The following NAALADL2 variants were observed in gnomAD, a reference collection of about 807,000 sequenced individuals.
The protein encoded by NAALADL2 is N-acetylated alpha-linked acidic dipeptidase like 2.
In NAALADL2, 76 loss-of-function variants were observed where a neutral mutation model predicts 87.2. The ratio of observed to expected loss-of-function variants is 0.87; its 90% CI spans 0.72 to 1.05. The LOEUF (loss-of-function observed/expected upper bound fraction) is 1.05, where lower values mean the gene tolerates loss of function less well. NAALADL2 is among the 50% of genes least tolerant of loss of function. The pLI is 0.00. For missense variants in NAALADL2, 1,089 were observed against 945.8 expected (o/e 1.15, Z -1.99); for synonymous variants, 354 against 331.0 (o/e 1.07, Z -0.75).
chr3:175,092,516 C>T (rs1560014815), intron 1 of NAALADL2, among the ~76,000 whole-genome samples: 1 of 150,452 alleles, frequency 6.6e-6, no homozygotes, highest in East Asian at 2.0e-4. Context: ...GCTAGGTCTG[C>T]AGCAACCAGA....
chr3:175,696,880 T>C (rs894953859), intron 11 of NAALADL2, among the ~76,000 whole-genome samples: 2 of 152,032 alleles, frequency 1.3e-5, no homozygotes, highest in South Asian at 4.1e-4. Context: ...AGAGAGAAAG[T>C]AGGGGCAACA....
chr3:175,765,542 T>A (rs1157848740), intron 13 of NAALADL2, among the ~76,000 whole-genome samples: 1 of 152,134 alleles, frequency 6.6e-6, no homozygotes, highest in East Asian at 1.9e-4. Context: ...GGATAATTAG[T>A]CTGAGATCCA....
At chr3:175,628,888 G>A (rs1280632115) in intron 11 of NAALADL2, among the ~76,000 whole-genome samples, 3 of 150,118 alleles carry the variant, frequency 2.0e-5, no homozygotes, top group African/African-American at 7.3e-5. Flanking sequence ...AAAATAAAAA[G>A]AGTTTGAATT....
chr3:174,867,918 C>T (rs10513725), intron 1 of NAALADL2, among the ~76,000 whole-genome samples: 47 of 151,846 alleles, frequency 3.1e-4, no homozygotes, highest in Non-Finnish European at 6.2e-4. Flanking sequence ...CAGTGACTCT[C>T]GTTGGATTAC....
chr3:175,744,474 T>C (rs767024263), intron 12 of NAALADL2, among the ~76,000 whole-genome samples: 10 of 152,194 alleles, frequency 6.6e-5, no homozygotes, highest in Non-Finnish European at 1.3e-4. Context: ...AGACTTGAGA[T>C]GTACCCATAT....
chr3:175,780,906 G>A (rs757382147), intron 13 of NAALADL2, among the ~76,000 whole-genome samples: 3 of 152,128 alleles, frequency 2.0e-5, no homozygotes, highest in African/African-American at 4.8e-5. Flanking sequence ...TCCTTGCTAT[G>A]TGTTCCTTGC....
intron 1 of NAALADL2, among the ~76,000 whole-genome samples, chr3:175,095,016 A>G (rs1720881028): frequency 6.6e-6 from 1 of 152,050 alleles, no homozygotes; most frequent in Admixed American, 6.6e-5. Context: ...TTCACATACG[A>G]AGACCCTGTG....
At chr3:174,561,762 T>C (rs1713647560) in intron 2 of NAALADL2, among the ~76,000 whole-genome samples, 1 of 152,188 alleles carries the variant, frequency 6.6e-6, no homozygotes, top group Non-Finnish European at 1.5e-5. Flanking sequence ...GTGGTCACAC[T>C]GGTAGAAAAT....
At chr3:175,615,674 A>G (rs1188938230) in intron 10 of NAALADL2, among the ~76,000 whole-genome samples, 1 of 151,774 alleles carries the variant, frequency 6.6e-6, no homozygotes, top group Non-Finnish European at 1.5e-5. Flanking sequence ...CCTGACCATC[A>G]TGGTGAAGCC....
intron 1 of NAALADL2, among the ~76,000 whole-genome samples, chr3:174,948,988 G>A (rs1306043210): frequency 6.6e-6 from 1 of 152,152 alleles, no homozygotes; most frequent in Non-Finnish European, 1.5e-5. Flanking sequence ...CTCATACACA[G>A]TTGTCTTCTC....
intron 2 of NAALADL2, among the ~76,000 whole-genome samples, chr3:174,564,073 C>G (rs1363686902): frequency 1.3e-5 from 2 of 152,108 alleles, no homozygotes; most frequent in Non-Finnish European, 2.9e-5. Flanking sequence ...CCTAGGTATG[C>G]CTGACCAAAG....
chr3:175,807,373 G>A lies in NAALADL2; in HGVS notation c.*4170G>A, dbSNP rs1754803588. On this transcript the variant is annotated 3_prime_UTR_variant, in exon 14 of 14. Coordinates refer to ENST00000454872, the MANE Select transcript of NAALADL2 (RefSeq NM_207015.3). ...TGACCATGTTACTAATGATGAATCA[G>A]CATCTTTGCCTCAAATGAAAATCTA... 1 of 151,874 alleles carries A rather than the reference G, an allele frequency of 6.6e-6. No individual in the cohort carries two copies. The highest frequency in any genetic ancestry group is 2.1e-4 in the South Asian group (1 of 4,832). The allele number at this position is 151,874 out of a possible 1,614,324, so 9.4% of individuals were successfully genotyped here. A position where few individuals can be genotyped will look rare whatever the true frequency, so the allele number is the denominator to read the frequency against.
intron 11 of NAALADL2, among the ~76,000 whole-genome samples, chr3:175,684,519 A>G (rs983882517): frequency 6.6e-6 from 1 of 152,136 alleles, no homozygotes. Flanking sequence ...TTTAGGCCCA[A>G]CACAGTGGCT....
At chr3:174,886,977 C>T (rs141179027) in intron 1 of NAALADL2, among the ~76,000 whole-genome samples, 6 of 152,256 alleles carry the variant, frequency 3.9e-5, no homozygotes, top group African/African-American at 7.2e-5. Flanking sequence ...AACAGACAAA[C>T]GTGGGTACAT....
At chr3:174,785,499 A>G (rs1348206131) in intron 3 of NAALADL2, among the ~76,000 whole-genome samples, 4 of 152,186 alleles carry the variant, frequency 2.6e-5, no homozygotes, top group South Asian at 2.1e-4. Context: ...CCATTGCTCT[A>G]TGTGTCTGTT....
intron 6 of NAALADL2, among the ~76,000 whole-genome samples, chr3:175,450,747 A>G (rs1279246164): frequency 6.6e-6 from 1 of 152,210 alleles, no homozygotes; most frequent in Non-Finnish European, 1.5e-5. Context: ...TAAAATGTTG[A>G]TGGGAAATGC....
At chr3:175,772,271 T>C (rs140694018) in intron 13 of NAALADL2, among the ~76,000 whole-genome samples, 2 of 151,616 alleles carry the variant, frequency 1.3e-5, no homozygotes, top group African/African-American at 4.9e-5. Flanking sequence ...TTATTTATTT[T>C]TTTTTTTGTT....
chr3:175,440,996 A>G (rs1442042641), intron 5 of NAALADL2, among the ~76,000 whole-genome samples: 1 of 152,130 alleles, frequency 6.6e-6, no homozygotes, highest in Non-Finnish European at 1.5e-5. Flanking sequence ...AGAACTGTTG[A>G]TTTGTGGTTT....
intron 1 of NAALADL2, 24 bp from the exon 2 acceptor site, chr3:175,096,766 A>C: frequency 7.2e-7 from 1 of 1,387,536 alleles, no homozygotes; most frequent in Middle Eastern, 2.2e-4. Flanking sequence ...ATTTTATTAA[A>C]ATATATTTTT....
Sources: gnomAD v4.1 joint callset for allele counts (sites outside exome capture counted in the v4.1 genomes callset) on GRCh38, gnomAD v4.1.1 for gene constraint, MANE v1.5 for transcripts, NCBI Gene and HGNC (gene_info 2026-07-23, HGNC 2026-07-21) for gene names.